Variants in SRRM4 observed in about 807,000 individuals in gnomAD.
The protein encoded by SRRM4 is serine/arginine repetitive matrix 4.
In SRRM4, 33 loss-of-function variants were observed where a neutral mutation model predicts 68.9. The ratio of observed to expected loss-of-function variants is 0.48; its 90% CI spans 0.36 to 0.64. The LOEUF is 0.64. Among genes scored for constraint, SRRM4 ranks in the 30% least tolerant of loss-of-function variants. The pLI, the probability that SRRM4 is intolerant of heterozygous loss-of-function variation, is 0.00. For missense variants in SRRM4, 817 were observed against 827.1 expected (o/e 0.99, Z 0.15); for synonymous variants, 318 against 318.8 (o/e 1.00, Z 0.03).
At chr12:119,033,336 T>C (rs1010545487) in intron 1 of SRRM4, among the ~76,000 whole-genome samples, 15 of 152,178 alleles carry the variant, frequency 9.9e-5, no homozygotes, top group African/African-American at 3.4e-4. Context: ...GATTATGTTA[T>C]TTCACCCCTA....
At position 119,061,236 on chromosome 12, in the gene SRRM4, C is replaced by G. The variant is rs557140019; in HGVS notation, c.132-41000C>G. Among the ~76,000 whole-genome samples the G allele has an allele frequency of 5.3e-5, 8 of 152,282 alleles. No individual in the cohort carries two copies. The South Asian group carries it at 1.5e-3, about 28-fold the overall frequency. ...TGGACTCAAAAATAGCAATGTTTCC[C>G]GCATGTTAATTATCTTGTTCCAACG... On this transcript the variant is annotated intron_variant, in intron 1 of 12. Transcript: ENST00000267260.
intron 1 of SRRM4, among the ~76,000 whole-genome samples, chr12:119,062,209 A>T (rs1953816884): frequency 6.6e-6 from 1 of 152,192 alleles, no homozygotes; most frequent in Non-Finnish European, 1.5e-5. Context: ...ACAGTAGAAA[A>T]GATTTTAAAA....
At position 119,156,807 on chromosome 12, in the gene SRRM4, G is replaced by GAGCCAGCT; in HGVS notation, c.*10_*17dup. 1 of 1,515,926 alleles carries GAGCCAGCT rather than the reference G, an allele frequency of 6.6e-7. No individual in the cohort carries two copies. The highest frequency in any genetic ancestry group is 1.2e-5 in the South Asian group (1 of 80,294). The allele number at this position is 1,515,926 out of a possible 1,614,324, so 93.9% of individuals were successfully genotyped here. A position where few individuals can be genotyped will look rare whatever the true frequency, so the allele number is the denominator to read the frequency against. Reference sequence around the variant, plus strand: ...CCAGCACGAGGCGCTAAGTGCCCCTGAGCCAGCTGCCCGTGGGGGCCCCTT... The same window carrying GAGCCAGCT: ...CCAGCACGAGGCGCTAAGTGCCCCTGAGCCAGCTAGCCAGCTGCCCGTGGGGGCCCCTT... On this transcript the variant is annotated 3_prime_UTR_variant, in exon 13 of 13. Transcript: ENST00000267260.
At chr12:119,008,305 G>A (rs1435359869) in intron 1 of SRRM4, among the ~76,000 whole-genome samples, 1 of 151,274 alleles carries the variant, frequency 6.6e-6, no homozygotes, top group East Asian at 1.9e-4. Flanking sequence ...CCAGGAAATC[G>A]AGGCTACAGT....
At chr12:118,997,333 G>A (rs1056577488) in intron 1 of SRRM4, among the ~76,000 whole-genome samples, 9 of 152,182 alleles carry the variant, frequency 5.9e-5, no homozygotes, top group African/African-American at 2.2e-4. Flanking sequence ...AGCCCAGTGA[G>A]GTTGTTGTAT....
At chr12:119,102,869 A>G (rs1301170823) in intron 2 of SRRM4, among the ~76,000 whole-genome samples, 1 of 152,152 alleles carries the variant, frequency 6.6e-6, no homozygotes, top group African/African-American at 2.4e-5. Context: ...CCACTGTGTG[A>G]TGGCACTGTA....
At chr12:119,059,985 C>T (rs1466582843) in intron 1 of SRRM4, among the ~76,000 whole-genome samples, 8 of 152,114 alleles carry the variant, frequency 5.3e-5, no homozygotes, top group Non-Finnish European at 8.8e-5. Flanking sequence ...TCAATCCAAT[C>T]TTCTGTATGC....
intron 1 of SRRM4, among the ~76,000 whole-genome samples, chr12:119,101,483 G>C (rs962800439): frequency 1.3e-5 from 2 of 152,062 alleles, no homozygotes; most frequent in Admixed American, 1.3e-4. Flanking sequence ...AAGGACATCA[G>C]ATTGGAGATT....
In SRRM4 at chr12:119,089,331, A is replaced by G. The variant is rs1953999748; in HGVS notation, c.132-12905A>G. ...GATAAAGCTCTCTAATAAACCCACA[A>G]TCCTGAGGTAATGGGTTTGACTTTT... On this transcript the variant is annotated intron_variant, in intron 1 of 12. Coordinates refer to ENST00000267260, the MANE Select transcript of SRRM4 (RefSeq NM_194286.4). Among the ~76,000 whole-genome samples the G allele has an allele frequency of 2.0e-5, 3 of 152,170 alleles. No individual in the cohort carries two copies. In the South Asian group the frequency reaches 6.2e-4, roughly 32 times the overall value.
chr12:119,118,841 G>T (rs149106496), intron 4 of SRRM4, among the ~76,000 whole-genome samples: 1 of 152,078 alleles, frequency 6.6e-6, no homozygotes, highest in African/African-American at 2.4e-5. Flanking sequence ...TTTCCTGCCC[G>T]GTCAGCCCAG....
chr12:119,035,929 C>A (rs1953624107), intron 1 of SRRM4, among the ~76,000 whole-genome samples: 1 of 152,096 alleles, frequency 6.6e-6, no homozygotes, highest in Non-Finnish European at 1.5e-5. Flanking sequence ...AAATTGGAGG[C>A]CTACATATGT....
At chr12:119,056,767 C>T (rs936155306) in intron 1 of SRRM4, among the ~76,000 whole-genome samples, 2 of 152,120 alleles carry the variant, frequency 1.3e-5, no homozygotes, top group African/African-American at 4.8e-5. Flanking sequence ...TTGCTCAACA[C>T]TTCTTCCTTT....
At chr12:119,119,753 TGATGAG>T (rs1954206274) in intron 4 of SRRM4, among the ~76,000 whole-genome samples, 1 of 151,880 alleles carries the variant, frequency 6.6e-6, no homozygotes, top group African/African-American at 2.4e-5. Flanking sequence ...ATGACGGTGA[TGATGAG>T]GATGAGGAGG....
At chr12:119,097,981 A>G (rs546359428) in intron 1 of SRRM4, among the ~76,000 whole-genome samples, 1 of 152,348 alleles carries the variant, frequency 6.6e-6, no homozygotes, top group Admixed American at 6.5e-5. Context: ...AATGTCCCAA[A>G]GAGTTCAGAA....
chr12:119,145,244 G>A (rs1954393560), intron 8 of SRRM4, 137 bp from the exon 9 acceptor site: 1 of 750,486 alleles, frequency 1.3e-6, no homozygotes, highest in Non-Finnish European at 2.0e-6. Context: ...TTTGTTTTTT[G>A]GCGTCTCTTC....
At chr12:119,081,977 T>A (rs888874437) in intron 1 of SRRM4, among the ~76,000 whole-genome samples, 9 of 152,230 alleles carry the variant, frequency 5.9e-5, no homozygotes, top group Non-Finnish European at 1.5e-5. Flanking sequence ...TAGTCTTTAA[T>A]AATCATTAGT....
intron 1 of SRRM4, among the ~76,000 whole-genome samples, chr12:119,061,839 C>T (rs1013708239): frequency 1.3e-5 from 2 of 152,008 alleles, no homozygotes; most frequent in Non-Finnish European, 2.9e-5. Flanking sequence ...ACACTAGATT[C>T]TTATTGTATT....
chr12:118,995,060 A>C (rs770687379), intron 1 of SRRM4, among the ~76,000 whole-genome samples: 1 of 152,208 alleles, frequency 6.6e-6, no homozygotes, highest in Non-Finnish European at 1.5e-5. Flanking sequence ...CAGTGACCTC[A>C]TAAATGTCAA....
chr12:119,141,222 C>T (rs1006936369), intron 8 of SRRM4, among the ~76,000 whole-genome samples: 4 of 152,148 alleles, frequency 2.6e-5, no homozygotes, highest in Non-Finnish European at 5.9e-5. Flanking sequence ...GGATTACAGG[C>T]GTGAGCCACC....
Sources: gnomAD v4.1 joint callset for allele counts (sites outside exome capture counted in the v4.1 genomes callset) on GRCh38, gnomAD v4.1.1 for gene constraint, MANE v1.5 for transcripts, NCBI Gene and HGNC (gene_info 2026-07-23, HGNC 2026-07-21) for gene names.